The following REV1 variants were observed in gnomAD, a reference collection of about 807,000 sequenced individuals.
REV1 encodes REV1 DNA directed polymerase.
In REV1, 42 loss-of-function variants were observed where a neutral mutation model predicts 137.4. That is an observed-to-expected ratio of 0.31 (90% CI 0.24 to 0.40). The LOEUF (loss-of-function observed/expected upper bound fraction) is 0.40. Among genes scored for constraint, REV1 ranks in the 10% least tolerant of loss-of-function variants. The pLI is 1.00. For missense variants in REV1, 1,282 were observed against 1,490.1 expected (o/e 0.86, Z 2.30); for synonymous variants, 524 against 519.2 (o/e 1.01, Z -0.12).
At chr2:99,433,653 G>A (rs1363151805) in intron 8 of REV1, among the ~76,000 whole-genome samples, 1 of 152,020 alleles carries the variant, frequency 6.6e-6, no homozygotes, top group Non-Finnish European at 1.5e-5. Flanking sequence ...ATATATTTCT[G>A]AGAAACTAAT....
At chr2:99,464,788 A>G in intron 2 of REV1, 134 bp downstream of exon 2, 1 of 800,048 alleles carries the variant, frequency 1.2e-6, no homozygotes, top group South Asian at 1.7e-5. Context: ...GGCTTTCAAT[A>G]CACTGTGAAA....
chr2:99,413,081 CTG>C (rs1386400112), intron 12 of REV1, 130 bp from the exon 13 acceptor site: 2 of 685,692 alleles, frequency 2.9e-6, no homozygotes, highest in African/African-American at 1.8e-5. Context: ...GGCAACATAA[CTG>C]AAGCATCCAC....
chr2:99,438,136 T>G (rs1262822069), intron 6 of REV1, among the ~76,000 whole-genome samples: 1 of 152,232 alleles, frequency 6.6e-6, no homozygotes, highest in Admixed American at 6.5e-5. Flanking sequence ...CCAATGTACT[T>G]AAGATGTGAA....
At chr2:99,466,868 A>C (rs1044108684) in intron 1 of REV1, among the ~76,000 whole-genome samples, 1 of 152,182 alleles carries the variant, frequency 6.6e-6, no homozygotes, top group African/African-American at 2.4e-5. Flanking sequence ...ATGCTCTGTT[A>C]AATATTTCTC....
chr2:99,432,938 G>A (rs1291637488), intron 8 of REV1, among the ~76,000 whole-genome samples: 1 of 152,152 alleles, frequency 6.6e-6, no homozygotes, highest in Admixed American at 6.5e-5. Flanking sequence ...GCTTGTCAAG[G>A]TTAAAATTTT....
At chr2:99,414,517 A>G (rs1368971436) in intron 12 of REV1, among the ~76,000 whole-genome samples, 1 of 152,256 alleles carries the variant, frequency 6.6e-6, no homozygotes, top group African/African-American at 2.4e-5. Flanking sequence ...ATTTTAAGTG[A>G]AACCTAAGTG....
At chr2:99,432,358 C>G (rs985392830) in intron 8 of REV1, among the ~76,000 whole-genome samples, 6 of 151,746 alleles carry the variant, frequency 4.0e-5, no homozygotes, top group Admixed American at 3.9e-4. Context: ...TGCACAGAAG[C>G]CAAAGATTCT....
At chr2:99,473,296 A>C (rs1412838574) in intron 1 of REV1, among the ~76,000 whole-genome samples, 1 of 151,310 alleles carries the variant, frequency 6.6e-6, no homozygotes, top group Non-Finnish European at 1.5e-5. Context: ...TGAACCCAGG[A>C]GGCAGAGGTT....
Position 99,449,145 on chromosome 2 carries a change from G to A in REV1, c.350+191C>T, listed in dbSNP as rs575935844. Reference sequence around the variant, plus strand: ...CCAGGTGTGGTGGCGCCTGCCTGTAGTCCCAGCTACTCTGGAAGCTGAGAT... The same window carrying A: ...CCAGGTGTGGTGGCGCCTGCCTGTAATCCCAGCTACTCTGGAAGCTGAGAT... On this transcript the variant is annotated intron_variant, in intron 4 of 22. Transcript: ENST00000258428. Among the ~76,000 whole-genome samples the A allele has an allele frequency of 1.4e-3, 212 of 152,164 alleles. 1 individual carries two copies. Among genetic ancestry groups the A allele is most frequent in the African/African-American group, 5.0e-3 (206 of 41,520 alleles).
chr2:99,401,404 G>C, intron 22 of REV1, 52 bp from the exon 23 acceptor site: 1 of 1,165,206 alleles, frequency 8.6e-7, no homozygotes, highest in Non-Finnish European at 1.2e-6. Flanking sequence ...AGGTCCTTAA[G>C]ACTAATTATT....
chr2:99,479,135 C>A (rs1156697317), intron 1 of REV1, among the ~76,000 whole-genome samples: 5 of 151,948 alleles, frequency 3.3e-5, no homozygotes, highest in Admixed American at 6.6e-5. Flanking sequence ...CGAGACCACA[C>A]TGGCCAACAT....
chr2:99,462,136 C>G (rs896590232), intron 3 of REV1, among the ~76,000 whole-genome samples: 3 of 152,138 alleles, frequency 2.0e-5, no homozygotes, highest in Non-Finnish European at 4.4e-5. Context: ...GACACACACC[C>G]ACACACCACC....
intron 1 of REV1, among the ~76,000 whole-genome samples, chr2:99,475,758 G>T (rs1203588068): frequency 6.6e-6 from 1 of 152,130 alleles, no homozygotes; most frequent in East Asian, 1.9e-4. Flanking sequence ...GCCGAGGTGG[G>T]TGGATAACAA....
intron 1 of REV1, among the ~76,000 whole-genome samples, chr2:99,475,545 T>G (rs1685877966): frequency 6.6e-6 from 1 of 152,176 alleles, no homozygotes; most frequent in Non-Finnish European, 1.5e-5. Flanking sequence ...TTTTACTTTT[T>G]ACAGACCTGA....
At chr2:99,474,129 A>T (rs1422338243) in intron 1 of REV1, among the ~76,000 whole-genome samples, 1 of 152,196 alleles carries the variant, frequency 6.6e-6, no homozygotes, top group Non-Finnish European at 1.5e-5. Context: ...TTTAATTTTT[A>T]ACATTCAAAT....
chr2:99,481,168 T>C lies in REV1; in HGVS notation c.-11+8649A>G, dbSNP rs74262813. ...ATTATCAATGCCTCCACCCTACCCATAAATATCTCACTTCATAATTTCTTC... is the reference window on the plus strand; with the variant it reads ...ATTATCAATGCCTCCACCCTACCCACAAATATCTCACTTCATAATTTCTTC... On this transcript the variant is annotated intron_variant, in intron 1 of 22. Coordinates refer to ENST00000258428, the MANE Select transcript of REV1 (RefSeq NM_016316.4). Among the ~76,000 whole-genome samples the C allele has an allele frequency of 1.1e-3, 174 of 152,320 alleles. 3 individuals carry two copies. The East Asian group carries it at 0.024, about 21-fold the overall frequency.
At chr2:99,413,904 G>A (rs991543846) in intron 12 of REV1, among the ~76,000 whole-genome samples, 1 of 152,210 alleles carries the variant, frequency 6.6e-6, no homozygotes, top group Admixed American at 6.5e-5. Flanking sequence ...TGGGTGTGGT[G>A]GCTCACACCT....
intron 15 of REV1, 85 bp downstream of exon 15, chr2:99,407,944 C>G (rs1336167510): frequency 1.4e-6 from 1 of 735,062 alleles, no homozygotes; most frequent in African/African-American, 1.8e-5. Flanking sequence ...CCCTATACAC[C>G]AGCAATAACC....
At chr2:99,466,543 G>A (rs565697158) in intron 1 of REV1, among the ~76,000 whole-genome samples, 1 of 152,286 alleles carries the variant, frequency 6.6e-6, no homozygotes, top group East Asian at 1.9e-4. Flanking sequence ...TGCCTGGCCA[G>A]CAGATATTTT....
Sources: gnomAD v4.1 joint callset for allele counts (sites outside exome capture counted in the v4.1 genomes callset) on GRCh38, gnomAD v4.1.1 for gene constraint, MANE v1.5 for transcripts, NCBI Gene and HGNC (gene_info 2026-07-23, HGNC 2026-07-21) for gene names.